BCAR3: variants seen among roughly 807,000 people sequenced by gnomAD.
BCAR3 encodes the protein breast cancer anti-estrogen resistance protein 3.
In BCAR3, 37 loss-of-function variants were observed where a neutral mutation model predicts 80.1. The observed-to-expected ratio is 0.46, with a 90% CI of 0.36 to 0.61. The LOEUF (loss-of-function observed/expected upper bound fraction) is 0.61, where lower values mean the gene tolerates loss of function less well. Among genes scored for constraint, BCAR3 ranks in the 20% least tolerant of loss-of-function variants. The pLI is 0.00. For missense variants in BCAR3, 978 were observed against 1,068.2 expected (o/e 0.92, Z 1.18); for synonymous variants, 389 against 418.9 (o/e 0.93, Z 0.87).
At chr1:93,779,178 G>A (rs1652677704) in intron 2 of BCAR3, among the ~76,000 whole-genome samples, 1 of 152,070 alleles carries the variant, frequency 6.6e-6, no homozygotes, top group South Asian at 2.1e-4. Context: ...TAGGAAGCAT[G>A]GTGAAGATAG....
intron 2 of BCAR3, among the ~76,000 whole-genome samples, chr1:93,717,896 A>C (rs1472082274): frequency 6.6e-6 from 1 of 152,132 alleles, no homozygotes; most frequent in Non-Finnish European, 1.5e-5. Flanking sequence ...GCTTAATATT[A>C]AAAACAAAAT....
chr1:93,571,609 A>C (rs760344290), intron 9 of BCAR3, 61 bp downstream of exon 9: 1 of 1,592,016 alleles, frequency 6.3e-7, no homozygotes, highest in Non-Finnish European at 8.6e-7. Flanking sequence ...TGATTTGCCA[A>C]ACATGGCATG....
At position 93,567,785 on chromosome 1, in the gene BCAR3, C is replaced by G. The variant is rs747382431; in HGVS notation, c.2041G>C (p.Glu681Gln). The change falls in exon 10 of 12, where the codon GAG (glutamate) becomes CAG (glutamine). Residue 681 changes from glutamate to glutamine, a missense_variant. Coordinates refer to ENST00000260502, the MANE Select transcript of BCAR3 (RefSeq NM_003567.4). ...HQYTQTAILYEKQLKPFSKLL... is the reference protein window; with the variant it reads ...HQYTQTAILYQKQLKPFSKLL... ...TTGCTGAAGGGCTTCAGCTGTTTCT[C>G]ATAGAGAATGGCAGTTTGGGTGTAC... 1 of 1,614,266 alleles carries G rather than the reference C, an allele frequency of 6.2e-7. No homozygotes were observed.
intron 2 of BCAR3, among the ~76,000 whole-genome samples, chr1:93,836,658 TTATTAACATAAGAA>T (rs370279514): frequency 1.6e-3 from 238 of 152,250 alleles, no homozygotes; most frequent in African/African-American, 5.4e-3. Flanking sequence ...TTTATTTTTC[TTATTAACATAAGAA>T]GACAGGAATG....
chr1:93,796,831 T>A (rs1460181314), intron 2 of BCAR3, among the ~76,000 whole-genome samples: 1 of 152,234 alleles, frequency 6.6e-6, no homozygotes, highest in Non-Finnish European at 1.5e-5. Context: ...CCTGAATTTG[T>A]TTGCAATCTA....
intron 8 of BCAR3, among the ~76,000 whole-genome samples, 161 bp from the exon 9 acceptor site, chr1:93,572,002 G>C (rs1673238859): frequency 6.6e-6 from 1 of 152,210 alleles, no homozygotes; most frequent in Admixed American, 6.5e-5. Context: ...CAGAGAGAAC[G>C]CCCCTTAGCA....
intron 2 of BCAR3, among the ~76,000 whole-genome samples, chr1:93,808,737 C>T (rs1013109440): frequency 6.6e-6 from 1 of 151,908 alleles, no homozygotes; most frequent in African/African-American, 2.4e-5. Context: ...TGATTAAAAG[C>T]ATGGAAAACA....
chr1:93,650,502 G>C (rs1676288814), intron 2 of BCAR3, among the ~76,000 whole-genome samples: 1 of 152,154 alleles, frequency 6.6e-6, no homozygotes, highest in Non-Finnish European at 1.5e-5. Flanking sequence ...ACTTACTACT[G>C]TGTGAATCTC....
At chr1:93,815,934 C>A (rs747415517) in intron 2 of BCAR3, among the ~76,000 whole-genome samples, 4 of 152,204 alleles carry the variant, frequency 2.6e-5, no homozygotes, top group Non-Finnish European at 5.9e-5. Context: ...CTTCCCTGAT[C>A]CCTCAGCCAT....
chr1:93,666,608 T>C (rs1044878248), intron 2 of BCAR3, among the ~76,000 whole-genome samples: 1 of 152,196 alleles, frequency 6.6e-6, no homozygotes, highest in African/African-American at 2.4e-5. Context: ...GCACAATGCC[T>C]GGCATAAAAC....
At position 93,820,657 on chromosome 1, in the gene BCAR3, C is replaced by A. The variant is rs559453962; in HGVS notation, c.-63+24910G>T. On this transcript the variant is annotated intron_variant, in intron 2 of 13. Coordinates refer to the BCAR3 transcript ENST00000370244. ...CTGACATGTGGATGTGTTCACCAAC[C>A]TGGAAGCTCTCTGAATAACGTTGTT... Among the ~76,000 whole-genome samples the A allele has an allele frequency of 3.3e-5, 5 of 152,326 alleles. No homozygotes were observed. In the East Asian group the frequency reaches 9.7e-4, roughly 29 times the overall value.
chr1:93,613,875 T>G (rs527237451), intron 3 of BCAR3: 2 of 1,550,576 alleles, frequency 1.3e-6, no homozygotes, highest in South Asian at 2.4e-5. Context: ...CTTGCGGTGA[T>G]AGAAGCAGCA....
At chr1:93,575,373 G>C (rs1673413692) in intron 8 of BCAR3, among the ~76,000 whole-genome samples, 1 of 152,192 alleles carries the variant, frequency 6.6e-6, no homozygotes, top group Non-Finnish European at 1.5e-5. Flanking sequence ...CTAGTCTAGA[G>C]CTTCTTTTCT....
chr1:93,670,178 T>C (rs1648137922), intron 2 of BCAR3, among the ~76,000 whole-genome samples: 1 of 152,126 alleles, frequency 6.6e-6, no homozygotes, highest in South Asian at 2.1e-4. Flanking sequence ...CAAGAGGAAA[T>C]CCTGTCTGCA....
intron 11 of BCAR3, among the ~76,000 whole-genome samples, chr1:93,565,078 C>A (rs1430866204): frequency 6.6e-6 from 1 of 151,780 alleles, no homozygotes; most frequent in Admixed American, 6.6e-5. Flanking sequence ...TGGTGGATAA[C>A]CAACCAAAGG....
At chr1:93,750,219 G>A (rs1348161834) in intron 2 of BCAR3, among the ~76,000 whole-genome samples, 1 of 152,178 alleles carries the variant, frequency 6.6e-6, no homozygotes, top group Admixed American at 6.5e-5. Context: ...GCTCAGGACT[G>A]CCTCCTTCAG....
intron 2 of BCAR3, among the ~76,000 whole-genome samples, chr1:93,772,524 G>T (rs1652394420): frequency 6.6e-6 from 1 of 152,144 alleles, no homozygotes; most frequent in Non-Finnish European, 1.5e-5. Context: ...ATCTAATCTT[G>T]TTAGTTTCAG....
At chr1:93,845,556 C>CCCT (rs947866637) in intron 2 of BCAR3, 3 of 143,910 alleles carry the variant, frequency 2.1e-5, no homozygotes, top group Non-Finnish European at 4.5e-5. Flanking sequence ...AATCAGGGCT[C>CCCT]TGCCACTTAC....
At chr1:93,737,244 G>A (rs1225869639) in intron 2 of BCAR3, among the ~76,000 whole-genome samples, 1 of 152,158 alleles carries the variant, frequency 6.6e-6, no homozygotes, top group African/African-American at 2.4e-5. Context: ...TGGGTTGAAT[G>A]GTGTCCCCCA....
Sources: allele counts gnomAD v4.1 joint callset (sites outside exome capture counted in the v4.1 genomes callset), GRCh38; gene constraint gnomAD v4.1.1; transcripts MANE v1.5; gene names NCBI Gene and HGNC (gene_info 2026-07-23, HGNC 2026-07-21).